The following KIRREL3 variants were observed in gnomAD, a reference collection of about 807,000 sequenced individuals.
The protein encoded by KIRREL3 is kin of IRRE-like protein 3.
In KIRREL3, 36 loss-of-function variants were observed where a neutral mutation model predicts 89.7. The ratio of observed to expected loss-of-function variants is 0.40; its 90% CI spans 0.31 to 0.53. The LOEUF is 0.53. Among genes scored for constraint, KIRREL3 ranks in the 20% least tolerant of loss-of-function variants. KIRREL3 has a pLI of 0.49. For synonymous variants in KIRREL3, 445 were observed against 441.4 expected (o/e 1.01, Z -0.10); for missense variants, 864 against 1,056.6 (o/e 0.82, Z 2.53).
At position 126,976,027 on chromosome 11, in the gene KIRREL3, C is replaced by A. The variant is rs1949565597; in HGVS notation, c.55+24428G>T. Among the ~76,000 whole-genome samples the A allele has an allele frequency of 6.6e-6, 1 of 151,212 alleles. No homozygotes were observed. Among genetic ancestry groups the A allele is most frequent in the Non-Finnish European group, 1.5e-5 (1 of 67,934 alleles). Reference sequence around the variant, plus strand: ...CTAAGGTGTGGCTCTCAGGACAGAGCATACCCATTCCAGATGTGGGTCACA... The same window carrying A: ...CTAAGGTGTGGCTCTCAGGACAGAGAATACCCATTCCAGATGTGGGTCACA... On this transcript the variant is annotated intron_variant, in intron 1 of 16. Transcript: ENST00000525144. This position sits in a 1 kb window ranked among gnomAD's most constrained non-coding sequence, Gnocchi z 4.2.
chr11:126,846,268 T>A (rs1192562380), intron 1 of KIRREL3, among the ~76,000 whole-genome samples: 2 of 152,216 alleles, frequency 1.3e-5, no homozygotes, highest in African/African-American at 4.8e-5. Flanking sequence ...AGAAACTTCA[T>A]GCTTTAAAGA....
chr11:126,433,555 G>A (rs1955212096), intron 13 of KIRREL3, among the ~76,000 whole-genome samples: 2 of 152,340 alleles, frequency 1.3e-5, no homozygotes, highest in East Asian at 1.9e-4. Flanking sequence ...GTGACAGGGA[G>A]GGGACCAAGA....
At chr11:126,718,240 C>T (rs1303471668) in intron 1 of KIRREL3, among the ~76,000 whole-genome samples, 1 of 152,172 alleles carries the variant, frequency 6.6e-6, no homozygotes, top group Admixed American at 6.5e-5. Context: ...TGCAGCCAGA[C>T]ACCCACCTCT....
rs1389526639 is a variant in KIRREL3 at position 126,783,976 on chromosome 11, C to T, written c.55+216479G>A. ...CACTTGTCTTTGTGGTCTTCCCCCT[C>T]GACCTCAGTGTAATCTTGAAAAGAG... is the stretch of plus-strand genomic sequence containing the variant. On this transcript the variant is annotated intron_variant, in intron 1 of 16. Transcript: ENST00000525144. This position sits in a 1 kb window ranked among gnomAD's most constrained non-coding sequence, Gnocchi z 4.3. Among the ~76,000 whole-genome samples, 1 of 152,192 alleles carries T rather than the reference C, an allele frequency of 6.6e-6. No individual in the cohort carries two copies. The highest frequency in any genetic ancestry group is 1.5e-5 in the Non-Finnish European group (1 of 68,034).
intron 4 of KIRREL3, among the ~76,000 whole-genome samples, chr11:126,502,344 C>T (rs1387572254): frequency 6.6e-6 from 1 of 152,204 alleles, no homozygotes; most frequent in Non-Finnish European, 1.5e-5. Flanking sequence ...CTGTGCTGCC[C>T]ACAGCCCCTC....
intron 1 of KIRREL3, among the ~76,000 whole-genome samples, chr11:126,631,046 T>G (rs1180018614): frequency 6.6e-6 from 1 of 152,240 alleles, no homozygotes; most frequent in Non-Finnish European, 1.5e-5. Flanking sequence ...CCAATCTTTC[T>G]TCTCATACAC....
intron 2 of KIRREL3, among the ~76,000 whole-genome samples, chr11:126,546,164 A>C (rs667483): frequency 6.6e-6 from 1 of 152,146 alleles, no homozygotes; most frequent in South Asian, 2.1e-4. Context: ...TAAATGTTGA[A>C]TGTATCCATG....
chr11:126,448,279 CAAAAAAAAAA>C (rs55787866), intron 8 of KIRREL3, among the ~76,000 whole-genome samples: 2 of 95,384 alleles, frequency 2.1e-5, no homozygotes, highest in African/African-American at 8.2e-5. Flanking sequence ...GAGACTGTCT[CAAAAAAAAAA>C]AAAAAAAAAA....
In KIRREL3 at chr11:126,455,926, C is replaced by T. The variant is rs185471468; in HGVS notation, c.848+423G>A. 1.2e-3 allele frequency among the ~76,000 whole-genome samples: 181 copies of T among 151,742 alleles called. No homozygotes were observed. Among genetic ancestry groups the T allele is most frequent in the Non-Finnish European group, 1.8e-3 (123 of 67,948 alleles). Reference sequence around the variant, plus strand: ...ATCCCGGATGCTCACTGGACTGGGCCGGGGCCCAGACATCCTGATCTACCC... The same window carrying T: ...ATCCCGGATGCTCACTGGACTGGGCTGGGGCCCAGACATCCTGATCTACCC... On this transcript the variant is annotated intron_variant, in intron 7 of 16. Transcript: ENST00000525144. This position sits in a 1 kb window ranked among gnomAD's most constrained non-coding sequence, Gnocchi z 6.4.
At chr11:126,698,429 G>C (rs1226980046) in intron 1 of KIRREL3, among the ~76,000 whole-genome samples, 1 of 152,244 alleles carries the variant, frequency 6.6e-6, no homozygotes, top group Non-Finnish European at 1.5e-5. Flanking sequence ...AGGGCCACAT[G>C]GACCCTCCAC....
At position 126,855,650 on chromosome 11, in the gene KIRREL3, T is replaced by A. The variant is rs367559508; in HGVS notation, c.55+144805A>T. ...TGTGAGACTCAGTGAGAGGTGAGGC[T>A]CTGGCAGCCAGATGGGGCAGGCTTG... On this transcript the variant is annotated intron_variant, in intron 1 of 16. Coordinates refer to ENST00000525144, the MANE Select transcript of KIRREL3 (RefSeq NM_032531.4). 1.2e-3 allele frequency among the ~76,000 whole-genome samples: 184 copies of A among 152,358 alleles called. 3 individuals carry two copies. The South Asian group carries it at 0.036, about 30-fold the overall frequency.
chr11:126,770,348 G>T (rs1237415919), intron 1 of KIRREL3, among the ~76,000 whole-genome samples: 4 of 152,094 alleles, frequency 2.6e-5, no homozygotes, highest in African/African-American at 9.7e-5. Context: ...CAAGACTTCT[G>T]CCCCATCCCT....
rs1950009514 is a variant in KIRREL3 at position 126,990,614 on chromosome 11, C to G, written c.55+9841G>C. On this transcript the variant is annotated intron_variant, in intron 1 of 16. Coordinates refer to ENST00000525144, the MANE Select transcript of KIRREL3 (RefSeq NM_032531.4). The surrounding 1 kb of genome is among the most constrained non-coding windows in gnomAD (Gnocchi z 6.3). ...TGGCGTCAGGGCCCAAAATAGTGCC[C>G]CAGCTCTTGGTGCGGCTTCAGAAGA... is the stretch of plus-strand genomic sequence containing the variant. Among the ~76,000 whole-genome samples, 1 of 152,216 alleles carries G rather than the reference C, an allele frequency of 6.6e-6. No individual in the cohort carries two copies. Among genetic ancestry groups the G allele is most frequent in the Admixed American group, 6.5e-5 (1 of 15,280 alleles).
In KIRREL3 at chr11:126,940,191, T is replaced by C. The variant is rs1948381917; in HGVS notation, c.55+60264A>G. Among the ~76,000 whole-genome samples, 1 of 152,178 alleles carries C rather than the reference T, an allele frequency of 6.6e-6. No homozygotes were observed. Among genetic ancestry groups the C allele is most frequent in the African/African-American group, 2.4e-5 (1 of 41,448 alleles). The stretch of plus-strand genomic sequence containing the variant: ...CCACAAACAGCCTGCTCTCAAAGGA[T>C]TGTCAAACGTGCAACAAATCAGTGT... On this transcript the variant is annotated intron_variant, in intron 1 of 16. Coordinates refer to ENST00000525144, the MANE Select transcript of KIRREL3 (RefSeq NM_032531.4). The surrounding 1 kb of genome is among the most constrained non-coding windows in gnomAD (Gnocchi z 4.6).
At chr11:126,923,164 C>CTTCTT (rs1947451437) in intron 1 of KIRREL3, among the ~76,000 whole-genome samples, 1 of 23,760 alleles carries the variant, frequency 4.2e-5, no homozygotes, top group East Asian at 5.2e-4. Context: ...TCTTCTTCTT[C>CTTCTT]TTCTTCTTCT....
At chr11:126,650,289 T>G (rs552882980) in intron 1 of KIRREL3, among the ~76,000 whole-genome samples, 1 of 152,380 alleles carries the variant, frequency 6.6e-6, no homozygotes, top group East Asian at 1.9e-4. Context: ...TCCTCATTAC[T>G]TATGCAAATT....
intron 2 of KIRREL3, among the ~76,000 whole-genome samples, chr11:126,547,077 G>C (rs1360797493): frequency 6.6e-6 from 1 of 152,214 alleles, no homozygotes; most frequent in Admixed American, 6.5e-5. Context: ...TTTATAAAGA[G>C]TGTTCACCCA....
At chr11:126,840,901 C>T (rs1338721117) in intron 1 of KIRREL3, among the ~76,000 whole-genome samples, 1 of 152,144 alleles carries the variant, frequency 6.6e-6, no homozygotes, top group African/African-American at 2.4e-5. Flanking sequence ...CTGTAAAGTG[C>T]TTTCTATAAG....
At position 126,484,629 on chromosome 11, in the gene KIRREL3, T is replaced by A. The variant is rs1333951630; in HGVS notation, c.434-11163A>T. ...TTTCAGATAAATTAAAAAATGGTAG[T>A]GTAAGTATGTTTATCTGAAATTCAC... On this transcript the variant is annotated intron_variant, in intron 4 of 16. Transcript: ENST00000525144. This position sits in a 1 kb window ranked among gnomAD's most constrained non-coding sequence, Gnocchi z 5.2. Among the ~76,000 whole-genome samples, 1 of 152,124 alleles carries A rather than the reference T, an allele frequency of 6.6e-6. No individual in the cohort carries two copies. The highest frequency in any genetic ancestry group is 2.4e-5 in the African/African-American group (1 of 41,412).
Sources: allele counts gnomAD v4.1 joint callset (sites outside exome capture counted in the v4.1 genomes callset), GRCh38; gene constraint gnomAD v4.1.1; non-coding constraint Gnocchi (gnomAD v3.1); transcripts MANE v1.5; gene names NCBI Gene and HGNC (gene_info 2026-07-23, HGNC 2026-07-21).